TIPARP: variants seen among roughly 807,000 people sequenced by gnomAD.
TIPARP encodes the protein TCDD inducible poly(ADP-ribose) polymerase, also known as protein mono-ADP-ribosyltransferase TIPARP.
Under a neutral mutation model 56.5 loss-of-function variants are expected in TIPARP, and 12 were observed. The observed-to-expected ratio is 0.21, with a 90% CI of 0.14 to 0.34. The LOEUF is 0.34. Among genes scored for constraint, TIPARP ranks in the 10% least tolerant of loss-of-function variants. The pLI, the probability that TIPARP is intolerant of heterozygous loss-of-function variation, is 1.00. For synonymous variants in TIPARP, 296 were observed against 265.7 expected (o/e 1.11, Z -1.11); for missense variants, 604 against 781.6 (o/e 0.77, Z 2.71).
intron 2 of TIPARP, among the ~76,000 whole-genome samples, chr3:156,692,645 G>GT (rs1722604849): frequency 6.6e-6 from 1 of 152,078 alleles, no homozygotes; most frequent in African/African-American, 2.4e-5. Flanking sequence ...GGCTTCATCA[G>GT]TTGGTTATAT....
At chr3:156,689,689 A>C (rs1722517466) in intron 2 of TIPARP, among the ~76,000 whole-genome samples, 1 of 152,198 alleles carries the variant, frequency 6.6e-6, no homozygotes, top group African/African-American at 2.4e-5. Context: ...TTTATCCCTT[A>C]TCTCTCATAG....
intron 2 of TIPARP, among the ~76,000 whole-genome samples, chr3:156,683,583 T>G (rs1281079602): frequency 6.6e-6 from 1 of 152,206 alleles, no homozygotes; most frequent in African/African-American, 2.4e-5. Flanking sequence ...AAAAAAATGC[T>G]GACTTTTGAC....
chr3:156,678,348 G>T lies in TIPARP; in HGVS notation c.651G>T (p.Glu217Asp). Residue 217 changes from glutamate (E) to aspartate (D), a missense_variant, in exon 2 of 6, where the codon GAG becomes GAT. Glu to Asp is a conservative substitution (Grantham distance 45). Coordinates refer to ENST00000295924, the MANE Select transcript of TIPARP (RefSeq NM_015508.5). ...AGCTCTTTCAGGACAAAAGTGAAGAGGCTTCCCTTGACCTCGTGTTTGAGC... is the reference window on the plus strand; with the variant it reads ...AGCTCTTTCAGGACAAAAGTGAAGATGCTTCCCTTGACCTCGTGTTTGAGC... Reference protein sequence around the residue: ...STELFQDKSEEASLDLVFELV... With the variant: ...STELFQDKSEDASLDLVFELV... 1 of 1,614,196 alleles carries T rather than the reference G, an allele frequency of 6.2e-7. No homozygotes were observed.
chr3:156,694,419 TA>T (rs2108494406), intron 3 of TIPARP, among the ~76,000 whole-genome samples: 1 of 152,336 alleles, frequency 6.6e-6, no homozygotes, highest in East Asian at 1.9e-4. Flanking sequence ...TATTATCAGA[TA>T]AATAAAATGC....
chr3:156,704,654 T>C, intron 5 of TIPARP, 30 bp from the exon 6 acceptor site: 2 of 1,588,740 alleles, frequency 1.3e-6, no homozygotes, highest in Non-Finnish European at 1.7e-6. Context: ...ATTTCATCCT[T>C]CTGAATTCTC....
chr3:156,676,117 A>G (rs1722118995), intron 1 of TIPARP, among the ~76,000 whole-genome samples: 1 of 152,196 alleles, frequency 6.6e-6, no homozygotes, highest in Admixed American at 6.5e-5. Context: ...GGTATGGTGG[A>G]GAGGGAATAC....
Position 156,705,000 on chromosome 3 carries a change from A to G in TIPARP, c.1843A>G (p.Thr615Ala), listed in dbSNP as rs1411701037. Reference sequence around the variant, plus strand: ...CCCGCCAGTCAATCCTGGCAGTGTCACCAGTGACCTTTATGACTCTTGTGT... The same window carrying G: ...CCCGCCAGTCAATCCTGGCAGTGTCGCCAGTGACCTTTATGACTCTTGTGT... ...RPPPVNPGSV[T>A]SDLYDSCVDN... is the part of the protein sequence containing the mutation. The change falls in exon 6 of 6, where the codon ACC becomes GCC. Residue 615 changes from threonine to alanine, a missense_variant. Physicochemically the swap from Thr to Ala is moderately conservative, Grantham distance 58 (BLOSUM62 0). Coordinates refer to ENST00000295924, the MANE Select transcript of TIPARP (RefSeq NM_015508.5). 2 of 1,614,224 alleles carry G rather than the reference A, an allele frequency of 1.2e-6. No individual in the cohort carries two copies. The highest frequency in any genetic ancestry group is 1.7e-6 in the Non-Finnish European group (2 of 1,180,034).
intron 2 of TIPARP, among the ~76,000 whole-genome samples, chr3:156,685,704 A>G (rs1004749289): frequency 6.6e-6 from 1 of 152,234 alleles, no homozygotes; most frequent in African/African-American, 2.4e-5. Context: ...AATTAATTGA[A>G]GAATTCTTAA....
At chr3:156,697,033 C>G (rs1321729912) in intron 4 of TIPARP, among the ~76,000 whole-genome samples, 1 of 152,130 alleles carries the variant, frequency 6.6e-6, no homozygotes, top group Non-Finnish European at 1.5e-5. Flanking sequence ...CTGAAATGAT[C>G]AGTATCCAAA....
chr3:156,685,979 G>A (rs939019300), intron 2 of TIPARP, among the ~76,000 whole-genome samples: 1 of 152,202 alleles, frequency 6.6e-6, no homozygotes, highest in Non-Finnish European at 1.5e-5. Flanking sequence ...GTTTCTGAGT[G>A]TCACCTGGCT....
Position 156,695,870 on chromosome 3 carries a change from C to A in TIPARP, c.1092C>A (p.Val364=). The A allele has an allele frequency of 7.8e-7, 1 of 1,289,678 alleles. No homozygotes were observed. The highest frequency in any genetic ancestry group is 1.4e-5 in the South Asian group (1 of 68,980). 79.9% of individuals were successfully genotyped at this position (1,289,678 alleles called of 1,614,324 possible). ...TTCTGTTTTCTCCTCCATAGTCTGT[C>A]ATTCGATTGATTGAAGAAGCCAACT... ...HFGWREYPES[V]IRLIEEANSR... is the part of the protein sequence containing the mutation. The change falls in exon 4 of 6, where the codon GTC becomes GTA. Residue 364 remains valine, a synonymous_variant. Coordinates refer to ENST00000295924, the MANE Select transcript of TIPARP (RefSeq NM_015508.5).
At chr3:156,681,626 A>T (rs1250981145) in intron 2 of TIPARP, among the ~76,000 whole-genome samples, 1 of 152,222 alleles carries the variant, frequency 6.6e-6, no homozygotes, top group Non-Finnish European at 1.5e-5. Flanking sequence ...GTTGAACTAG[A>T]TAAATTCACA....
rs1463325052 is a variant in TIPARP, at chr3:156,706,067, A to G, written c.*936A>G. On this transcript the variant is annotated 3_prime_UTR_variant, in exon 6 of 6. Transcript: ENST00000295924. The stretch of plus-strand genomic sequence containing the variant: ...GTGTTTTGCACAAAGTATATTAGCA[A>G]AAGTATTTGCTGGAATTATTGGTAG... 6.6e-6 allele frequency: 1 copy of G among 152,648 alleles called. No individual in the cohort carries two copies. Among genetic ancestry groups the G allele is most frequent in the Admixed American group, 6.5e-5 (1 of 15,286 alleles). 9.5% of individuals were successfully genotyped at this position (152,648 alleles called of 1,614,324 possible).
chr3:156,691,076 C>T (rs541423074), intron 2 of TIPARP, among the ~76,000 whole-genome samples: 4 of 152,224 alleles, frequency 2.6e-5, no homozygotes, highest in African/African-American at 7.2e-5. Context: ...TTCCCATTTC[C>T]TCATCTCTCA....
chr3:156,681,470 G>C (rs1180087389), intron 2 of TIPARP, among the ~76,000 whole-genome samples: 8 of 152,218 alleles, frequency 5.3e-5, no homozygotes, highest in Non-Finnish European at 1.0e-4. Flanking sequence ...ATAGTTCTGG[G>C]TCTCTAGCAG....
chr3:156,679,094 A>G (rs995840274), intron 2 of TIPARP, among the ~76,000 whole-genome samples: 1 of 152,194 alleles, frequency 6.6e-6, no homozygotes, highest in African/African-American at 2.4e-5. Context: ...TTTTCTGTGA[A>G]TGATTCAGAA....
rs139624734 is a variant in TIPARP at position 156,687,065 on chromosome 3, C to A, written c.918-6955C>A. Reference sequence around the variant, plus strand: ...GGGGATATCTACTCTTTATAAAAATCAGTGATTGCATAATTTAAGGTAGTA... The same window carrying A: ...GGGGATATCTACTCTTTATAAAAATAAGTGATTGCATAATTTAAGGTAGTA... On this transcript the variant is annotated intron_variant, in intron 2 of 5. Transcript: ENST00000295924. Among the ~76,000 whole-genome samples the A allele has an allele frequency of 3.6e-3, 552 of 152,188 alleles. 3 individuals carry two copies. Among genetic ancestry groups the A allele is most frequent in the African/African-American group, 0.013 (534 of 41,524 alleles).
chr3:156,675,782 AG>A (rs1722109555), intron 1 of TIPARP: 1 of 150,924 alleles, frequency 6.6e-6, no homozygotes, highest in Non-Finnish European at 1.5e-5. Context: ...TCACGAGGTG[AG>A]GGGTGTCGCG....
intron 2 of TIPARP, among the ~76,000 whole-genome samples, chr3:156,685,060 G>A (rs1033330412): frequency 6.6e-6 from 1 of 152,178 alleles, no homozygotes; most frequent in Non-Finnish European, 1.5e-5. Flanking sequence ...TCTGTGAAGA[G>A]GACAGTATTG....
Sources: allele counts gnomAD v4.1 joint callset (sites outside exome capture counted in the v4.1 genomes callset), GRCh38; gene constraint gnomAD v4.1.1; transcripts MANE v1.5; gene names NCBI Gene and HGNC (gene_info 2026-07-23, HGNC 2026-07-21).